Variants in IL16 observed in about 807,000 individuals in gnomAD.
IL16 encodes the protein pro-interleukin-16.
A neutral mutation model predicts 110.1 loss-of-function variants in IL16; 67 were observed. The observed-to-expected ratio is 0.61, with a 90% confidence interval of 0.50 to 0.75. IL16 has a LOEUF of 0.75. IL16 is among the 30% of genes least tolerant of loss of function. The pLI is 0.00. For missense variants in IL16, 1,545 were observed against 1,655.0 expected (o/e 0.93, Z 1.15); for synonymous variants, 689 against 662.9 (o/e 1.04, Z -0.61).
At chr15:81,293,739 A>G (rs957752773) in intron 12 of IL16, among the ~76,000 whole-genome samples, 1 of 152,220 alleles carries the variant, frequency 6.6e-6, no homozygotes, top group South Asian at 2.1e-4. Context: ...TTTCCCCATC[A>G]GGCCCCTTAA....
intron 1 of IL16, among the ~76,000 whole-genome samples, chr15:81,205,751 C>T (rs535487185): frequency 6.6e-6 from 1 of 152,182 alleles, no homozygotes; most frequent in East Asian, 1.9e-4. Context: ...TCTCCCCAGT[C>T]CAATTATATC....
chr15:81,192,784 A>G (rs1397797012), upstream of IL16, among the ~76,000 whole-genome samples: 1 of 152,246 alleles, frequency 6.6e-6, no homozygotes, highest in African/African-American at 2.4e-5. Flanking sequence ...ATAATCAGAC[A>G]AGAGGCACTG....
In IL16 at chr15:81,279,667, C is replaced by T; in HGVS notation, c.974C>T (p.Thr325Ile). 6.2e-7 allele frequency: 1 copy of T among 1,614,280 alleles called. No homozygotes were observed. Among genetic ancestry groups the T allele is most frequent in the South Asian group, 1.1e-5 (1 of 91,084 alleles). Residue 325 changes from threonine (T) to isoleucine (I), a missense_variant, in exon 8 of 19, where the codon ACT becomes ATT. Thr to Ile is a moderately conservative substitution (Grantham distance 89, BLOSUM62 -1). Transcript: ENST00000683961. ...PPLCRSLSSS[T>I]CITKDSSSFA... Reference sequence around the variant, plus strand: ...CTGTGCCGCTCCCTGAGCTCCAGCACTTGTATCACCAAGGACAGCAGCTCC... The same window carrying T: ...CTGTGCCGCTCCCTGAGCTCCAGCATTTGTATCACCAAGGACAGCAGCTCC...
intron 9 of IL16, 104 bp downstream of exon 9, chr15:81,282,860 A>G: frequency 1.0e-6 from 1 of 973,240 alleles, no homozygotes; most frequent in Non-Finnish European, 1.6e-6. Context: ...ATAAAGAATG[A>G]TCTTGTGGTG....
intron 5 of IL16, 27 bp downstream of exon 5, chr15:81,269,675 A>G (rs766870485): frequency 4.0e-6 from 6 of 1,518,070 alleles, no homozygotes; most frequent in Non-Finnish European, 5.5e-6. Context: ...GCCAACAGGA[A>G]GTCCTGGGGG....
chr15:81,189,120 ATTTT>A (rs34519204), intron 1 of IL16, among the ~76,000 whole-genome samples: 6,182 of 126,796 alleles, frequency 0.049, 260 homozygotes, highest in East Asian at 0.16. Context: ...TGCCAAGATA[ATTTT>A]TTTTTTTTTT....
At chr15:81,250,869 A>C (rs1897745339) in intron 2 of IL16, among the ~76,000 whole-genome samples, 2 of 152,194 alleles carry the variant, frequency 1.3e-5, no homozygotes, top group African/African-American at 2.4e-5. Flanking sequence ...CTTAAAATGA[A>C]GATATAATCC....
At chr15:81,193,522 A>T (rs184043642), upstream of IL16, among the ~76,000 whole-genome samples, 2 of 152,222 alleles carry the variant, frequency 1.3e-5, no homozygotes, top group East Asian at 3.9e-4. Context: ...TAGTGATGGA[A>T]TATTACTTTG....
Position 81,269,640 on chromosome 15 carries a change from C to G in IL16, c.667C>G (p.Gln223Glu). Residue 223 changes from glutamine (Q) to glutamate (E), a missense_variant, in exon 5 of 19, where the codon CAG (glutamine) becomes GAG (glutamate). This residue lies in a region of IL16 where 1,185 missense variants were observed against 1,238.8 expected (regional missense o/e 0.96). Transcript: ENST00000683961. The stretch of plus-strand genomic sequence containing the variant: ...CTCCAACATCGTGCTGATGAAGGGC[C>G]AGGCTAAGGTGAGAAGGGATTGTGG... ...VISNIVLMKG[Q>E]AKGLGFSIVG... 6.2e-7 allele frequency: 1 copy of G among 1,611,400 alleles called. No homozygotes were observed.
In IL16 at chr15:81,303,044, T is replaced by C. The variant is rs1805288564; in HGVS notation, c.3319-505T>C. Among the ~76,000 whole-genome samples the C allele has an allele frequency of 6.6e-6, 1 of 150,394 alleles. No homozygotes were observed. Among genetic ancestry groups the C allele is most frequent in the African/African-American group, 2.4e-5 (1 of 41,184 alleles). ...GTGTGTGTGTGTGTGTGTGTGTGTG[T>C]CACACTTGCACACTGTGCATTGGGG... On this transcript the variant is annotated intron_variant, in intron 15 of 18. Transcript: ENST00000683961. This position sits in a 1 kb window ranked among gnomAD's most constrained non-coding sequence, Gnocchi z 4.1.
intron 1 of IL16, among the ~76,000 whole-genome samples, chr15:81,191,657 C>T (rs923580605): frequency 6.6e-6 from 1 of 152,116 alleles, no homozygotes; most frequent in East Asian, 1.9e-4. Flanking sequence ...GGAGAGGTAA[C>T]GGTGAGTGCC....
At chr15:81,239,488 A>T (rs1897278165) in intron 2 of IL16, among the ~76,000 whole-genome samples, 1 of 152,192 alleles carries the variant, frequency 6.6e-6, no homozygotes, top group Admixed American at 6.5e-5. Context: ...TTGGGGACAG[A>T]AAAAACCTAC....
At chr15:81,255,743 G>A (rs901099240) in intron 2 of IL16, among the ~76,000 whole-genome samples, 9 of 152,070 alleles carry the variant, frequency 5.9e-5, no homozygotes, top group African/African-American at 1.4e-4. Flanking sequence ...CCTCTAACAC[G>A]GCATTAAGTA....
upstream of IL16, among the ~76,000 whole-genome samples, chr15:81,195,188 C>T (rs145862898): frequency 2.3e-3 from 350 of 152,236 alleles, 1 homozygote; most frequent in African/African-American, 6.9e-3. Context: ...GAGGGAGAGG[C>T]GGGAACTGGA....
In IL16 at chr15:81,313,468, C is replaced by T; in HGVS notation, c.*4670C>T. The T allele has an allele frequency of 8.5e-6, 12 of 1,417,942 alleles. No homozygotes were observed. Among genetic ancestry groups the T allele is most frequent in the Non-Finnish European group, 1.1e-5 (12 of 1,073,778 alleles). 87.8% of individuals were successfully genotyped at this position (1,417,942 alleles called of 1,614,324 possible). ...AGAGGTGCTGGGGACGAGCGCCAGGCAGGTGAGCAGAGCCCAGCCCAGTGG... is the reference window on the plus strand; with the variant it reads ...AGAGGTGCTGGGGACGAGCGCCAGGTAGGTGAGCAGAGCCCAGCCCAGTGG... On this transcript the variant is annotated 3_prime_UTR_variant, in exon 19 of 19. Transcript: ENST00000683961.
chr15:81,268,650 G>A (rs1283745903), intron 4 of IL16, among the ~76,000 whole-genome samples: 2 of 152,270 alleles, frequency 1.3e-5, no homozygotes, highest in Non-Finnish European at 2.9e-5. Flanking sequence ...GTCTGCTTTC[G>A]TGGACATGCA....
At position 81,265,723 on chromosome 15, in the gene IL16, G is replaced by T; in HGVS notation, c.486G>T (p.Thr162=). 1.2e-6 allele frequency: 2 copies of T among 1,613,992 alleles called. No individual in the cohort carries two copies. The highest frequency in any genetic ancestry group is 1.7e-6 in the Non-Finnish European group (2 of 1,179,948). ...TGACCAAGAAATCTGCAGCGCCCAC[G>T]GACAGGCAGCCTTACTCTCTCTGCA... ...FPMTKKSAAP[T]DRQPYSLCSN... Residue 162 remains threonine (T), a synonymous_variant, in exon 4 of 19, where the codon ACG becomes ACT. Transcript: ENST00000683961.
At chr15:81,255,737 T>C (rs1053059661) in intron 2 of IL16, among the ~76,000 whole-genome samples, 1 of 141,532 alleles carries the variant, frequency 7.1e-6, no homozygotes, top group African/African-American at 2.5e-5. Flanking sequence ...GCTTTCCCTC[T>C]AACACGGCAT....
chr15:81,239,472 T>G (rs1407453069), intron 2 of IL16, among the ~76,000 whole-genome samples: 1 of 152,214 alleles, frequency 6.6e-6, no homozygotes, highest in African/African-American at 2.4e-5. Context: ...CATCTGCTGC[T>G]TAGGTTTGGG....
Sources: gnomAD v4.1 joint callset for allele counts (sites outside exome capture counted in the v4.1 genomes callset) on GRCh38, gnomAD v4.1.1 for gene constraint, gnomAD v4.1.1 regional missense constraint, Gnocchi (gnomAD v3.1) non-coding constraint, MANE v1.5 for transcripts, NCBI Gene and HGNC (gene_info 2026-07-23, HGNC 2026-07-21) for gene names.